The following NMT2 variants were observed in gnomAD, a reference collection of about 807,000 sequenced individuals.
The protein encoded by NMT2 is glycylpeptide N-tetradecanoyltransferase 2.
Under a neutral mutation model 65.4 loss-of-function variants are expected in NMT2, and 35 were observed. That is an observed-to-expected ratio of 0.54 (90% CI 0.41 to 0.71). The LOEUF is 0.71. Ranked by LOEUF, NMT2 falls within the 30% of genes least tolerant of loss-of-function variation. The pLI is 0.00. For missense variants in NMT2, 489 were observed against 611.3 expected (o/e 0.80, Z 2.11); for synonymous variants, 226 against 231.8 (o/e 0.98, Z 0.23).
chr10:15,122,921 T>C (rs2131511957), intron 8 of NMT2, among the ~76,000 whole-genome samples: 1 of 151,230 alleles, frequency 6.6e-6, no homozygotes, highest in Admixed American at 6.6e-5. Flanking sequence ...CTAGTGTTAT[T>C]ATGAAAATAG....
At chr10:15,143,724 G>T (rs745449445) in intron 1 of NMT2, among the ~76,000 whole-genome samples, 27 of 152,136 alleles carry the variant, frequency 1.8e-4, no homozygotes, top group Non-Finnish European at 3.1e-4. Context: ...AGCTGGGCAT[G>T]GTGGTGTGCA....
At chr10:15,135,983 T>C (rs1403890217) in intron 2 of NMT2, among the ~76,000 whole-genome samples, 1 of 151,318 alleles carries the variant, frequency 6.6e-6, no homozygotes, top group Admixed American at 6.6e-5. Flanking sequence ...TCCCAGCACT[T>C]TGGGAGGCCG....
chr10:15,144,514 G>A (rs1383977507), intron 1 of NMT2, among the ~76,000 whole-genome samples: 1 of 152,198 alleles, frequency 6.6e-6, no homozygotes, highest in Non-Finnish European at 1.5e-5. Flanking sequence ...GGTAGATCAT[G>A]AGATCAGGAG....
At chr10:15,167,139 G>C (rs748473541) in intron 1 of NMT2, among the ~76,000 whole-genome samples, 2 of 151,818 alleles carry the variant, frequency 1.3e-5, no homozygotes, top group East Asian at 1.9e-4. Context: ...TGCATAAACA[G>C]GGCTCAGGTT....
chr10:15,149,066 C>CCACCACCAT (rs1459485259), intron 1 of NMT2, among the ~76,000 whole-genome samples: 1 of 152,032 alleles, frequency 6.6e-6, no homozygotes, highest in Non-Finnish European at 1.5e-5. Context: ...ACCGCCACCA[C>CCACCACCAT]CACCACCATC....
At chr10:15,122,670 C>T (rs1156559678) in intron 8 of NMT2, among the ~76,000 whole-genome samples, 4 of 152,182 alleles carry the variant, frequency 2.6e-5, no homozygotes, top group Non-Finnish European at 5.9e-5. Context: ...CTGCCCACCT[C>T]GGTCTCCCAA....
intron 10 of NMT2, 66 bp downstream of exon 10, chr10:15,112,730 T>A: frequency 7.0e-7 from 1 of 1,430,076 alleles, no homozygotes; most frequent in Non-Finnish European, 9.4e-7. Context: ...CACAGTAAGA[T>A]GTCTTCTATA....
At chr10:15,158,982 T>C (rs1281320299) in intron 1 of NMT2, among the ~76,000 whole-genome samples, 1 of 152,204 alleles carries the variant, frequency 6.6e-6, no homozygotes, top group African/African-American at 2.4e-5. Flanking sequence ...ACATATGAAT[T>C]GGCAGGGAGA....
chr10:15,113,353 C>T (rs1226156924), intron 9 of NMT2, among the ~76,000 whole-genome samples: 1 of 150,506 alleles, frequency 6.6e-6, no homozygotes, highest in Non-Finnish European at 1.5e-5. Flanking sequence ...ACCTGTAATC[C>T]CAGCTACTTG....
chr10:15,118,126 G>C (rs559496741), intron 9 of NMT2, among the ~76,000 whole-genome samples: 1 of 152,318 alleles, frequency 6.6e-6, no homozygotes, highest in South Asian at 2.1e-4. Flanking sequence ...TTCCTATATC[G>C]CTATAGCAAC....
Position 15,127,578 on chromosome 10 carries a change from AT to A in NMT2, c.999+771del, listed in dbSNP as rs1480161046. On this transcript the variant is annotated intron_variant, in intron 8 of 11. Transcript: ENST00000378165. ...AAAAAAAAAAAAAAAAAATAAATAA[AT>A]AAATAAATAAATAAATAAAATAAAA... Among the ~76,000 whole-genome samples the A allele has an allele frequency of 2.0e-3, 141 of 70,744 alleles. 20 individuals are homozygous for A. In the African/African-American group the frequency reaches 0.027, roughly 13 times the overall value. The allele number at this position is 70,744 out of a possible 152,430, so 46.4% of individuals were successfully genotyped here.
Position 15,141,801 on chromosome 10 carries a change from C to T in NMT2, c.111-244G>A, listed in dbSNP as rs548659741. Among the ~76,000 whole-genome samples, 3 of 152,288 alleles carry T rather than the reference C, an allele frequency of 2.0e-5. No homozygotes were observed. In the South Asian group the frequency reaches 6.2e-4, roughly 32 times the overall value. On this transcript the variant is annotated intron_variant, in intron 1 of 11. Transcript: ENST00000378165. ...TAGAAGTCACGAAGCAGGAAGATTG[C>T]AGAGATAAACCACATTTTATAACTG... is the stretch of plus-strand genomic sequence containing the variant.
chr10:15,166,778 G>T (rs1414007346), intron 1 of NMT2, among the ~76,000 whole-genome samples: 1 of 152,188 alleles, frequency 6.6e-6, no homozygotes, highest in African/African-American at 2.4e-5. Flanking sequence ...AGGCAGCACA[G>T]ATGCCTCTGG....
chr10:15,132,947 A>G lies in NMT2; in HGVS notation c.603-14T>C. 1 of 1,607,832 alleles carries G rather than the reference A, an allele frequency of 6.2e-7. No individual in the cohort carries two copies. The highest frequency in any genetic ancestry group is 8.5e-7 in the Non-Finnish European group (1 of 1,175,404). ...GGACGCAGAGCCCTGAGGTCACGGT[A>G]GACAAGAAAACAGGCACCAGTTATT... On this transcript the variant is annotated splice_polypyrimidine_tract_variant and intron_variant, in intron 5 of 11. Transcript: ENST00000378165.
chr10:15,115,005 A>G (rs970144558), intron 9 of NMT2, among the ~76,000 whole-genome samples: 3 of 152,156 alleles, frequency 2.0e-5, no homozygotes, highest in Non-Finnish European at 4.4e-5. Flanking sequence ...CTGTCTCCAA[A>G]AAAAATTAAA....
intron 9 of NMT2, among the ~76,000 whole-genome samples, chr10:15,117,901 C>T (rs1254243780): frequency 6.6e-6 from 1 of 152,200 alleles, no homozygotes; most frequent in Non-Finnish European, 1.5e-5. Flanking sequence ...AATGTAGAGA[C>T]ATTCCATGTT....
chr10:15,142,620 A>G (rs775069399), intron 1 of NMT2, among the ~76,000 whole-genome samples: 1 of 152,224 alleles, frequency 6.6e-6, no homozygotes, highest in Non-Finnish European at 1.5e-5. Flanking sequence ...TAAAATAGAA[A>G]ACAGTGCTTA....
At chr10:15,119,579 C>G in intron 8 of NMT2, 66 bp from the exon 9 acceptor site, 2 of 1,421,052 alleles carry the variant, frequency 1.4e-6, no homozygotes, top group Non-Finnish European at 2.0e-6. Context: ...CGACTTTGCA[C>G]TCAAAGTGTG....
Position 15,135,344 on chromosome 10 carries a change from TG to T in NMT2, c.320del (p.Pro107GlnfsTer24). ...AMELLSACQG[P>X]ARNIDEAAKH... ...TTGCAGCCTCATCAATGTTCCTGGCTGGGCCCTGGCATGCGGATAGCAGCTC... is the reference window on the plus strand; with the variant it reads ...TTGCAGCCTCATCAATGTTCCTGGCTGGCCCTGGCATGCGGATAGCAGCTC... On this transcript the variant is annotated frameshift_variant, in exon 3 of 12. Transcript: ENST00000378165. LOFTEE classifies it high-confidence loss of function. The T allele has an allele frequency of 6.2e-7, 1 of 1,614,194 alleles. No homozygotes were observed. Among genetic ancestry groups the T allele is most frequent in the Non-Finnish European group, 8.5e-7 (1 of 1,180,022 alleles).
Sources: allele counts gnomAD v4.1 joint callset (sites outside exome capture counted in the v4.1 genomes callset), GRCh38; gene constraint gnomAD v4.1.1; transcripts MANE v1.5; gene names NCBI Gene and HGNC (gene_info 2026-07-23, HGNC 2026-07-21).